The following SCYL3 variants were observed in gnomAD, a reference collection of about 807,000 sequenced individuals.
The protein encoded by SCYL3 is SCY1 like pseudokinase 3, also known as protein-associating with the carboxyl-terminal domain of ezrin.
A neutral mutation model predicts 73.8 loss-of-function variants in SCYL3; 35 were observed. The ratio of observed to expected loss-of-function variants is 0.47; its 90% CI spans 0.36 to 0.63. The LOEUF (loss-of-function observed/expected upper bound fraction) is 0.63, where lower values mean the gene tolerates loss of function less well. SCYL3 is among the 20% of genes least tolerant of loss of function. The pLI, the probability that SCYL3 is intolerant of heterozygous loss-of-function variation, is 0.00. For missense variants in SCYL3, 712 were observed against 798.9 expected, an observed-to-expected ratio of 0.89 and a Z score of 1.31; for synonymous variants, 277 against 295.2, an observed-to-expected ratio of 0.94 and a Z score of 0.63.
intron 1 of SCYL3, among the ~76,000 whole-genome samples, chr1:169,891,512 TG>T (rs1662085800): frequency 1.3e-5 from 2 of 152,242 alleles, no homozygotes; most frequent in African/African-American, 4.8e-5. Context: ...CCAGTCAGAC[TG>T]GAAGAGTGAG....
chr1:169,856,841 G>C (rs1659215797), intron 11 of SCYL3, among the ~76,000 whole-genome samples: 1 of 152,158 alleles, frequency 6.6e-6, no homozygotes, highest in Admixed American at 6.5e-5. Context: ...AGGAAGAGGT[G>C]AACGCTCTTT....
At chr1:169,864,245 C>T in intron 9 of SCYL3, 124 bp downstream of exon 9, 1 of 1,296,136 alleles carries the variant, frequency 7.7e-7, no homozygotes, top group South Asian at 1.3e-5. Context: ...CAGGGGCCAA[C>T]AATTGTTCTC....
intron 3 of SCYL3, among the ~76,000 whole-genome samples, chr1:169,878,007 C>A (rs1271149187): frequency 6.6e-6 from 1 of 152,094 alleles, no homozygotes; most frequent in African/African-American, 2.4e-5. Flanking sequence ...CTTAATGCCT[C>A]AGAATGCAAA....
At chr1:169,866,751 C>T (rs1660057343) in intron 8 of SCYL3, 145 bp downstream of exon 8, 1 of 603,202 alleles carries the variant, frequency 1.7e-6, no homozygotes, top group Non-Finnish European at 3.0e-6. Context: ...CCCACCAGGG[C>T]CTAGCAGAAA....
At chr1:169,868,281 A>G (rs1461188808) in intron 7 of SCYL3, among the ~76,000 whole-genome samples, 1 of 152,198 alleles carries the variant, frequency 6.6e-6, no homozygotes, top group Non-Finnish European at 1.5e-5. Context: ...TAGTTTTAAA[A>G]CTAACATAAG....
In SCYL3 at chr1:169,871,545, G is replaced by A. The variant is rs191905174; in HGVS notation, c.523-1188C>T. Among the ~76,000 whole-genome samples, 363 of 152,286 alleles carry A rather than the reference G, an allele frequency of 2.4e-3. 2 individuals are homozygous for A. Among genetic ancestry groups the A allele is most frequent in the Non-Finnish European group, 1.2e-3 (85 of 68,018 alleles). On this transcript the variant is annotated intron_variant, in intron 5 of 12. Transcript: ENST00000367771. ...TAAATTGGTACCAGTAGAGTGGGGCGTTGCTGAAAAGATACCTGAAAATAT... is the reference window on the plus strand; with the variant it reads ...TAAATTGGTACCAGTAGAGTGGGGCATTGCTGAAAAGATACCTGAAAATAT...
Position 169,887,356 on chromosome 1 carries a change from G to A in SCYL3, c.165+1320C>T, listed in dbSNP as rs373588627. On this transcript the variant is annotated intron_variant, in intron 2 of 12. Coordinates refer to ENST00000367771, the MANE Select transcript of SCYL3 (RefSeq NM_020423.7). ...TTGCTGTTTTTTCCTTTAAAAACTC[G>A]ATCTAGGTTATTCAATTTTCTTGGT... Among the ~76,000 whole-genome samples, 7 of 152,080 alleles carry A rather than the reference G, an allele frequency of 4.6e-5. No homozygotes were observed. The East Asian group carries it at 9.6e-4, about 21-fold the overall frequency.
At chr1:169,866,357 G>A (rs1660034547) in intron 8 of SCYL3, among the ~76,000 whole-genome samples, 1 of 152,154 alleles carries the variant, frequency 6.6e-6, no homozygotes, top group Non-Finnish European at 1.5e-5. Flanking sequence ...ACTCAATAGA[G>A]AACAAAGTGA....
At position 169,876,958 on chromosome 1, in the gene SCYL3, T is replaced by TAAAAAAAA. The variant is rs61051062; in HGVS notation, c.352-875_352-868dup. On this transcript the variant is annotated intron_variant, in intron 3 of 12. Coordinates refer to ENST00000367771, the MANE Select transcript of SCYL3 (RefSeq NM_020423.7). ...CGACAGAGTGAGACCTTGTCTCAAA[T>TAAAAAAAA]AAAAAAAAAAAAAAAAAAAAAAAAA... Among the ~76,000 whole-genome samples, 12 of 76,418 alleles carry TAAAAAAAA rather than the reference T, an allele frequency of 1.6e-4. 1 individual carries two copies. The highest frequency in any genetic ancestry group is 2.0e-4 in the Admixed American group (1 of 4,958). 50.1% of individuals were successfully genotyped at this position (76,418 alleles called of 152,430 possible).
intron 1 of SCYL3, among the ~76,000 whole-genome samples, chr1:169,892,736 T>C (rs1006281173): frequency 3.3e-5 from 5 of 152,186 alleles, no homozygotes; most frequent in Admixed American, 2.0e-4. Flanking sequence ...CACATAAAAT[T>C]TCTGGACCGC....
chr1:169,869,389 G>A (rs1660245285), intron 6 of SCYL3, among the ~76,000 whole-genome samples: 1 of 152,164 alleles, frequency 6.6e-6, no homozygotes, highest in African/African-American at 2.4e-5. Context: ...TTATATGAAT[G>A]ATTATATTTA....
intron 6 of SCYL3, 71 bp from the exon 7 acceptor site, chr1:169,869,110 G>T: frequency 7.8e-7 from 1 of 1,288,204 alleles, no homozygotes; most frequent in Non-Finnish European, 1.1e-6. Flanking sequence ...GCTGGAGACT[G>T]CCGAGAGCAA....
chr1:169,852,060 A>T lies in SCYL3; in HGVS notation c.*1653T>A. 1 of 1,361,918 alleles carries T rather than the reference A, an allele frequency of 7.3e-7. No individual in the cohort carries two copies. The highest frequency in any genetic ancestry group is 1.2e-5 in the South Asian group (1 of 81,010). 84.4% of individuals were successfully genotyped at this position (1,361,918 alleles called of 1,614,324 possible). A position where few individuals can be genotyped will look rare whatever the true frequency, so the allele number is the denominator to read the frequency against. On this transcript the variant is annotated 3_prime_UTR_variant, in exon 13 of 13. Transcript: ENST00000367771. ...TGAATTTCAAATCAAATAGATCTAGACATGTAAAATTCTGTTTTATGGTAG... is the reference window on the plus strand; with the variant it reads ...TGAATTTCAAATCAAATAGATCTAGTCATGTAAAATTCTGTTTTATGGTAG...
rs1183564871 is a variant in SCYL3, at chr1:169,851,049, T to C, written c.*2664A>G. The C allele has an allele frequency of 5.5e-5, 3 of 54,974 alleles. No individual in the cohort carries two copies. Among genetic ancestry groups the C allele is most frequent in the African/African-American group, 2.6e-4 (3 of 11,680 alleles). The allele number at this position is 54,974 out of a possible 1,614,324, so 3.4% of individuals were successfully genotyped here. On this transcript the variant is annotated 3_prime_UTR_variant, in exon 13 of 13. Coordinates refer to ENST00000367771, the MANE Select transcript of SCYL3 (RefSeq NM_020423.7). Reference sequence around the variant, plus strand: ...AGCCAGGGTAAGCTCAGGGCCCTTTTTTTTTTTTTTTTTTTTTTTTTTTTG... The same window carrying C: ...AGCCAGGGTAAGCTCAGGGCCCTTTCTTTTTTTTTTTTTTTTTTTTTTTTG...
intron 10 of SCYL3, among the ~76,000 whole-genome samples, chr1:169,861,303 A>G (rs1336633205): frequency 6.6e-6 from 1 of 152,142 alleles, no homozygotes; most frequent in Non-Finnish European, 1.5e-5. Context: ...ACACTTTAAG[A>G]AGGCTTCTTT....
At chr1:169,861,640 A>G (rs1419528819) in intron 10 of SCYL3, among the ~76,000 whole-genome samples, 4 of 152,240 alleles carry the variant, frequency 2.6e-5, no homozygotes, top group Non-Finnish European at 4.4e-5. Flanking sequence ...GGGTACTTAC[A>G]TGGCAACGGA....
At chr1:169,858,778 C>T (rs1162469112) in intron 11 of SCYL3, among the ~76,000 whole-genome samples, 2 of 151,838 alleles carry the variant, frequency 1.3e-5, no homozygotes, top group Non-Finnish European at 2.9e-5. Flanking sequence ...CGAGGTCCTT[C>T]GTTAACCAAA....
chr1:169,876,812 G>A (rs561766437), intron 3 of SCYL3, among the ~76,000 whole-genome samples: 12 of 151,862 alleles, frequency 7.9e-5, no homozygotes, highest in Admixed American at 2.6e-4. Flanking sequence ...AATATTAGCC[G>A]GGCATGGTGG....
At chr1:169,865,101 G>A (rs1304409277) in intron 8 of SCYL3, among the ~76,000 whole-genome samples, 1 of 151,900 alleles carries the variant, frequency 6.6e-6, no homozygotes, top group Non-Finnish European at 1.5e-5. Context: ...TTTACCCTAA[G>A]AAGACAGGCT....
Sources: gnomAD v4.1 joint callset for allele counts (sites outside exome capture counted in the v4.1 genomes callset) on GRCh38, gnomAD v4.1.1 for gene constraint, MANE v1.5 for transcripts, NCBI Gene and HGNC (gene_info 2026-07-23, HGNC 2026-07-21) for gene names.